SH3BGRL: variants seen among roughly 807,000 people sequenced by gnomAD.
SH3BGRL encodes the protein adapter SH3BGRL.
SH3BGRL carries 7 observed loss-of-function variants against 9.8 expected under a neutral mutation model. The ratio of observed to expected loss-of-function variants is 0.72; its 90% CI spans 0.41 to 1.35. The LOEUF is 1.35. SH3BGRL is among the 40% of genes most tolerant of loss of function. The pLI is 0.01. For synonymous variants in SH3BGRL, 36 were observed against 29.1 expected (o/e 1.24, Z -0.76); for missense variants, 73 against 84.4 (o/e 0.86, Z 0.53).
intron 1 of SH3BGRL, among the ~76,000 whole-genome samples, chrX:81,218,663 G>GTATA (rs2075589152): frequency 9.8e-6 from 1 of 101,739 alleles, no homozygotes; most frequent in African/African-American, 3.6e-5. Context: ...CTATATATCT[G>GTATA]TATGTATATA....
chrX:81,269,019 A>G (rs1040540711), intron 1 of SH3BGRL, among the ~76,000 whole-genome samples: 8 of 111,435 alleles, frequency 7.2e-5, no homozygotes, highest in Non-Finnish European at 1.3e-4. Flanking sequence ...AGTTTGTTTT[A>G]TCAGAGACCA....
chrX:81,269,528 A>T (rs949776350), intron 1 of SH3BGRL, among the ~76,000 whole-genome samples: 1 of 111,685 alleles, frequency 9.0e-6, no homozygotes, highest in South Asian at 3.8e-4. Flanking sequence ...TTTCTTTAAG[A>T]ATGTTGAATA....
At chrX:81,203,784 A>C (rs1852495743) in intron 1 of SH3BGRL, among the ~76,000 whole-genome samples, 1 of 112,344 alleles carries the variant, frequency 8.9e-6, no homozygotes, top group African/African-American at 3.2e-5. Context: ...ATTTCTATTC[A>C]AGTAAGAATA....
intron 1 of SH3BGRL, among the ~76,000 whole-genome samples, chrX:81,248,306 A>C (rs1485422309): frequency 8.9e-6 from 1 of 111,977 alleles, no homozygotes; most frequent in Non-Finnish European, 1.9e-5. Flanking sequence ...AGCTGGCTGC[A>C]CTCAATACAG....
intron 1 of SH3BGRL, among the ~76,000 whole-genome samples, chrX:81,254,737 A>C (rs951704852): frequency 2.7e-5 from 3 of 111,774 alleles, no homozygotes; most frequent in African/African-American, 9.8e-5. Context: ...AGGGAAATGC[A>C]GTATTTTTGT....
intron 3 of SH3BGRL, among the ~76,000 whole-genome samples, chrX:81,291,395 T>C (rs1280934357): frequency 1.8e-5 from 2 of 111,199 alleles, no homozygotes; most frequent in Non-Finnish European, 3.8e-5. Context: ...TGCTACACAC[T>C]TTTAGACAAG....
intron 1 of SH3BGRL, among the ~76,000 whole-genome samples, chrX:81,245,183 T>C (rs1349338205): frequency 9.0e-6 from 1 of 111,650 alleles, no homozygotes; most frequent in Non-Finnish European, 1.9e-5. Context: ...AAATGATGCA[T>C]TGTGGTTTAA....
At chrX:81,231,825 T>C (rs2075633723) in intron 1 of SH3BGRL, among the ~76,000 whole-genome samples, 1 of 112,453 alleles carries the variant, frequency 8.9e-6, no homozygotes, top group Admixed American at 9.4e-5. Context: ...GCTGTAGCAA[T>C]ATTTTCTGGG....
chrX:81,218,232 A>G (rs1270489115), intron 1 of SH3BGRL, among the ~76,000 whole-genome samples: 1 of 110,731 alleles, frequency 9.0e-6, no homozygotes, highest in African/African-American at 3.3e-5. Context: ...TAAGTGGAAC[A>G]TTTAGGCTAC....
At chrX:81,219,390 G>A (rs2075592983) in intron 1 of SH3BGRL, among the ~76,000 whole-genome samples, 1 of 110,083 alleles carries the variant, frequency 9.1e-6, no homozygotes, top group Non-Finnish European at 1.9e-5. Flanking sequence ...ACTGTGAATG[G>A]GATTACTTTC....
chrX:81,291,104 T>C (rs1025811718), intron 3 of SH3BGRL, among the ~76,000 whole-genome samples: 3 of 112,065 alleles, frequency 2.7e-5, no homozygotes, highest in Non-Finnish European at 5.6e-5. Flanking sequence ...AACATATTCA[T>C]TTTGACATCT....
intron 1 of SH3BGRL, among the ~76,000 whole-genome samples, chrX:81,242,632 C>G (rs755795558): frequency 2.7e-5 from 3 of 111,557 alleles, no homozygotes; most frequent in Admixed American, 9.5e-5. Flanking sequence ...AGTGAAGAGA[C>G]AGCCCACAGA....
intron 1 of SH3BGRL, among the ~76,000 whole-genome samples, chrX:81,213,177 C>G (rs961217283): frequency 1.8e-5 from 2 of 111,454 alleles, no homozygotes; most frequent in Non-Finnish European, 3.8e-5. Flanking sequence ...AATTTGAAAC[C>G]TTGGATTGTC....
chrX:81,211,431 A>T (rs764046943), intron 1 of SH3BGRL, among the ~76,000 whole-genome samples: 1 of 111,087 alleles, frequency 9.0e-6, no homozygotes, highest in Non-Finnish European at 1.9e-5. Context: ...TGAAAATACA[A>T]AAAAAATTAG....
At chrX:81,256,694 A>G (rs1449105208) in intron 1 of SH3BGRL, among the ~76,000 whole-genome samples, 1 of 112,412 alleles carries the variant, frequency 8.9e-6, no homozygotes, top group Admixed American at 9.4e-5. Flanking sequence ...ATTGTAAACT[A>G]CTTGGCTGAT....
At chrX:81,270,917 T>C (rs751363814) in intron 1 of SH3BGRL, among the ~76,000 whole-genome samples, 3 of 111,715 alleles carry the variant, frequency 2.7e-5, no homozygotes, top group Non-Finnish European at 1.9e-5. Context: ...TTTGTTTACA[T>C]TGTGAGCATG....
At chrX:81,229,330 T>C (rs1379858516) in intron 1 of SH3BGRL, among the ~76,000 whole-genome samples, 1 of 111,085 alleles carries the variant, frequency 9.0e-6, no homozygotes, top group Admixed American at 9.5e-5. Context: ...TGTGTTACAG[T>C]ATGCTCTTTC....
At chrX:81,219,290 A>C (rs1052534856) in intron 1 of SH3BGRL, among the ~76,000 whole-genome samples, 9 of 110,101 alleles carry the variant, frequency 8.2e-5, no homozygotes, top group Non-Finnish European at 1.3e-4. Context: ...AGTCTTCTTG[A>C]GTTTCTTTCA....
At position 81,271,282 on chromosome X, in the gene SH3BGRL, G is replaced by A. The variant is rs772632948; in HGVS notation, c.46-5702G>A. Among the ~76,000 whole-genome samples, 61 of 112,387 alleles carry A rather than the reference G, an allele frequency of 5.4e-4. No homozygotes were observed. In the Middle Eastern group the frequency reaches 0.014, roughly 25 times the overall value. Reference sequence around the variant, plus strand: ...ACTGTCCATCCAGTCCCTGTGAGATGAACCAGGCACCTCTGTTGGAAATGC... The same window carrying A: ...ACTGTCCATCCAGTCCCTGTGAGATAAACCAGGCACCTCTGTTGGAAATGC... On this transcript the variant is annotated intron_variant, in intron 1 of 3. Transcript: ENST00000373212.
Sources: allele counts gnomAD v4.1 joint callset (sites outside exome capture counted in the v4.1 genomes callset), GRCh38; gene constraint gnomAD v4.1.1; transcripts MANE v1.5; gene names NCBI Gene and HGNC (gene_info 2026-07-23, HGNC 2026-07-21).